CSMD1: variants seen among roughly 807,000 people sequenced by gnomAD.
The protein encoded by CSMD1 is CUB and Sushi multiple domains 1.
In CSMD1, 213 loss-of-function variants were observed where a neutral mutation model predicts 417.5. The ratio of observed to expected loss-of-function variants is 0.51; its 90% CI spans 0.46 to 0.57. CSMD1 has a LOEUF of 0.57. CSMD1 is among the 20% of genes least tolerant of loss of function. The pLI, the probability that CSMD1 is intolerant of heterozygous loss-of-function variation, is 0.00. For synonymous variants in CSMD1, 2,862 were observed against 1,736.8 expected, an observed-to-expected ratio of 1.65 and a Z score of -16.11; for missense variants, 6,923 against 4,529.7, an observed-to-expected ratio of 1.53 and a Z score of -15.17.
At chr8:3,264,869 TG>T (rs563306068) in intron 26 of CSMD1, among the ~76,000 whole-genome samples, 76 of 152,048 alleles carry the variant, frequency 5.0e-4, no homozygotes, top group African/African-American at 1.8e-3. Context: ...TGTGGGTGTG[TG>T]TGGCCTGTGT....
At chr8:2,998,431 C>T (rs573114472) in intron 53 of CSMD1, among the ~76,000 whole-genome samples, 3 of 152,246 alleles carry the variant, frequency 2.0e-5, no homozygotes, top group African/African-American at 7.2e-5. Flanking sequence ...GCTTTCTTTA[C>T]CATCATAATT....
rs183401419 is a variant in CSMD1, at chr8:4,604,511, T to C, written c.302+32831A>G. Among the ~76,000 whole-genome samples the C allele has an allele frequency of 5.8e-3, 888 of 152,184 alleles. 6 individuals carry two copies. Among genetic ancestry groups the C allele is most frequent in the Non-Finnish European group, 7.4e-3 (501 of 68,014 alleles). Reference sequence around the variant, plus strand: ...TTCTCGTGGTCATTAGCTTCTGACTTGATTATGATCAAAATAGCTATCAAT... The same window carrying C: ...TTCTCGTGGTCATTAGCTTCTGACTCGATTATGATCAAAATAGCTATCAAT... On this transcript the variant is annotated intron_variant, in intron 2 of 69. Coordinates refer to ENST00000635120, the MANE Select transcript of CSMD1 (RefSeq NM_033225.6).
chr8:4,885,214 A>G (rs1325613666), intron 1 of CSMD1, among the ~76,000 whole-genome samples: 1 of 151,998 alleles, frequency 6.6e-6, no homozygotes, highest in Non-Finnish European at 1.5e-5. Flanking sequence ...TTATTTTTAG[A>G]TATAATAGTT....
chr8:3,203,664 C>T (rs1797105854), intron 31 of CSMD1, among the ~76,000 whole-genome samples: 1 of 152,164 alleles, frequency 6.6e-6, no homozygotes, highest in African/African-American at 2.4e-5. Flanking sequence ...GCAAGGATCT[C>T]AAAGGCCACC....
At chr8:4,753,384 C>T (rs1187523885) in intron 1 of CSMD1, among the ~76,000 whole-genome samples, 1 of 148,762 alleles carries the variant, frequency 6.7e-6, no homozygotes, top group Non-Finnish European at 1.5e-5. Context: ...TTTGTCTCTT[C>T]CCTACTTTCC....
At chr8:3,896,684 T>A (rs374004673) in intron 5 of CSMD1, among the ~76,000 whole-genome samples, 6 of 151,970 alleles carry the variant, frequency 3.9e-5, no homozygotes, top group African/African-American at 9.7e-5. Context: ...CTAATTTTTC[T>A]TATTTTTATT....
At chr8:4,338,850 G>C (rs1234318563) in intron 3 of CSMD1, among the ~76,000 whole-genome samples, 1 of 151,920 alleles carries the variant, frequency 6.6e-6, no homozygotes. Flanking sequence ...ATTACTTTTT[G>C]AAAGAAGAAA....
chr8:3,504,280 C>T (rs1001836184), intron 10 of CSMD1, among the ~76,000 whole-genome samples: 4 of 152,024 alleles, frequency 2.6e-5, no homozygotes, highest in African/African-American at 7.2e-5. Context: ...TGAACAAGTA[C>T]AATCACACTG....
chr8:4,564,155 A>G (rs1798478122), intron 2 of CSMD1, among the ~76,000 whole-genome samples: 2 of 152,238 alleles, frequency 1.3e-5, no homozygotes, highest in Admixed American at 6.5e-5. Flanking sequence ...TAAAAGGTTC[A>G]GAAGATAATG....
chr8:3,238,160 A>C lies in CSMD1; in HGVS notation c.4154-7929T>G, dbSNP rs895179290. Among the ~76,000 whole-genome samples the C allele has an allele frequency of 9.6e-4, 145 of 151,788 alleles. 1 individual carries two copies. Among genetic ancestry groups the C allele is most frequent in the African/African-American group, 3.2e-3 (131 of 41,418 alleles). ...GTACGTAAAGGAAAATTACAGTCAA[A>C]GGGGGGTTGTTCTCTGGTGGGCAGG... On this transcript the variant is annotated intron_variant, in intron 26 of 69. Coordinates refer to ENST00000635120, the MANE Select transcript of CSMD1 (RefSeq NM_033225.6).
At chr8:3,067,774 A>G (rs1049170731) in intron 49 of CSMD1, among the ~76,000 whole-genome samples, 22 of 151,904 alleles carry the variant, frequency 1.4e-4, no homozygotes, top group African/African-American at 5.3e-4. Flanking sequence ...TAATTTTACA[A>G]CTTTATGGTT....
intron 2 of CSMD1, among the ~76,000 whole-genome samples, chr8:4,616,391 T>C (rs1046855681): frequency 2.6e-5 from 4 of 152,162 alleles, no homozygotes; most frequent in African/African-American, 9.7e-5. Flanking sequence ...AACAGGCAAA[T>C]CGTGGCCTCC....
chr8:3,302,449 C>T lies in CSMD1; in HGVS notation c.3950+5246G>A, dbSNP rs568284945. ...CAATGTTCCCACCTCAGCTATTTCT[C>T]CTGTAATTCCATTTATGTGTGATTT... On this transcript the variant is annotated intron_variant, in intron 25 of 69. Transcript: ENST00000635120. Among the ~76,000 whole-genome samples the T allele has an allele frequency of 2.0e-5, 3 of 152,280 alleles. No homozygotes were observed. In the South Asian group the frequency reaches 6.2e-4, roughly 32 times the overall value.
chr8:3,741,982 T>TTTTG (rs1554528216), intron 6 of CSMD1, among the ~76,000 whole-genome samples: 1 of 151,140 alleles, frequency 6.6e-6, no homozygotes, highest in African/African-American at 2.4e-5. Context: ...AATCTTGGTT[T>TTTTG]TTTTTTTTTT....
intron 17 of CSMD1, among the ~76,000 whole-genome samples, chr8:3,394,051 T>TAC (rs1811538236): frequency 8.2e-6 from 1 of 122,524 alleles, no homozygotes; most frequent in Non-Finnish European, 1.7e-5. Context: ...TATATATATA[T>TAC]ATATAGAAAA....
At chr8:3,814,184 G>C (rs533437284) in intron 5 of CSMD1, among the ~76,000 whole-genome samples, 2 of 152,194 alleles carry the variant, frequency 1.3e-5, no homozygotes, top group Non-Finnish European at 2.9e-5. Context: ...GATGCAAACT[G>C]CAAGACACTT....
At position 3,526,637 on chromosome 8, in the gene CSMD1, C is replaced by T. The variant is rs140959647; in HGVS notation, c.1345-32911G>A. Among the ~76,000 whole-genome samples the T allele has an allele frequency of 4.9e-3, 748 of 152,266 alleles. 5 individuals carry two copies. Among genetic ancestry groups the T allele is most frequent in the African/African-American group, 0.017 (714 of 41,550 alleles). Reference sequence around the variant, plus strand: ...TTAGTAAATAATTTTTCCAAGGTACCTTCCCGATCGATATTTTACACTATT... The same window carrying T: ...TTAGTAAATAATTTTTCCAAGGTACTTTCCCGATCGATATTTTACACTATT... On this transcript the variant is annotated intron_variant, in intron 10 of 69. Transcript: ENST00000635120.
chr8:3,099,593 A>G (rs2129011984), intron 46 of CSMD1, among the ~76,000 whole-genome samples: 1 of 152,316 alleles, frequency 6.6e-6, no homozygotes, highest in East Asian at 1.9e-4. Flanking sequence ...TTATAACTGC[A>G]GCTATAGTTA....
At chr8:3,880,012 C>T (rs936506811) in intron 5 of CSMD1, among the ~76,000 whole-genome samples, 1 of 152,014 alleles carries the variant, frequency 6.6e-6, no homozygotes, top group Admixed American at 6.6e-5. Flanking sequence ...ACCGAAGTTA[C>T]TGACTAATGT....
Sources: allele counts gnomAD v4.1 joint callset (sites outside exome capture counted in the v4.1 genomes callset), GRCh38; gene constraint gnomAD v4.1.1; transcripts MANE v1.5; gene names NCBI Gene and HGNC (gene_info 2026-07-23, HGNC 2026-07-21).